Variants in TCF25 observed in about 807,000 individuals in gnomAD.
TCF25 encodes the protein TCF25 ribosome quality control complex subunit, also known as ribosome quality control complex subunit TCF25.
In TCF25, 41 loss-of-function variants were observed where a neutral mutation model predicts 83.1. The ratio of observed to expected loss-of-function variants is 0.49; its 90% CI spans 0.38 to 0.64. The LOEUF (loss-of-function observed/expected upper bound fraction) is 0.64, where lower values mean the gene tolerates loss of function less well. Among genes scored for constraint, TCF25 ranks in the 30% least tolerant of loss-of-function variants. TCF25 has a pLI of 0.00. For synonymous variants in TCF25, 458 were observed against 365.0 expected (o/e 1.25, Z -2.90); for missense variants, 979 against 914.5 (o/e 1.07, Z -0.91).
intron 4 of TCF25, among the ~76,000 whole-genome samples, chr16:89,886,438 T>A (rs368565398): frequency 0.074 from 9,888 of 134,050 alleles, 509 homozygotes; most frequent in East Asian, 0.29. Context: ...AAAAAAATAA[T>A]AATAATAATA....
Position 89,883,518 on chromosome 16 carries a change from G to A in TCF25, c.354+6G>A, listed in dbSNP as rs147467526. 7 of 1,592,990 alleles carry A rather than the reference G, an allele frequency of 4.4e-6. No homozygotes were observed. The Admixed American group carries it at 1.3e-4, about 29-fold the overall frequency. ...AGACAGTGCCCTCAGAGCAGGTGGGGGGCTGAGTGGTGAGGAGGTGGCATC... is the reference window on the plus strand; with the variant it reads ...AGACAGTGCCCTCAGAGCAGGTGGGAGGCTGAGTGGTGAGGAGGTGGCATC... On this transcript the variant is annotated splice_donor_region_variant and intron_variant, in intron 2 of 17. Transcript: ENST00000263346.
At chr16:89,874,017 G>T (rs1207815305) in intron 1 of TCF25, among the ~76,000 whole-genome samples, 158 bp downstream of exon 1, 1 of 151,924 alleles carries the variant, frequency 6.6e-6, no homozygotes. Context: ...CGTGCGTCGG[G>T]GCCAGGGCGA....
chr16:89,883,419 C>T lies in TCF25; in HGVS notation c.261C>T (p.Asp87=), dbSNP rs375315232. ...AGAGGTCTGGCTGTGCGCTCACAGA[C>T]GCTGTGGCACCAGGGAACAAAGGAA... ...NGERSGCALT[D]AVAPGNKGRG... The change falls in exon 2 of 18, where the codon GAC becomes GAT. Residue 87 remains aspartate (D), a synonymous_variant. Coordinates refer to ENST00000263346, the MANE Select transcript of TCF25 (RefSeq NM_014972.3). 30 of 1,613,880 alleles carry T rather than the reference C, an allele frequency of 1.9e-5. 1 individual carries two copies. The highest frequency in any genetic ancestry group is 1.3e-4 in the African/African-American group (10 of 74,854).
chr16:89,911,370 A>C lies in TCF25; in HGVS notation c.*132A>C, dbSNP rs1261020505. 1 of 1,237,006 alleles carries C rather than the reference A, an allele frequency of 8.1e-7. No individual in the cohort carries two copies. Among genetic ancestry groups the C allele is most frequent in the East Asian group, 2.5e-5 (1 of 40,088 alleles). The allele number at this position is 1,237,006 out of a possible 1,614,324, so 76.6% of individuals were successfully genotyped here. A position where few individuals can be genotyped will look rare whatever the true frequency, so the allele number is the denominator to read the frequency against. On this transcript the variant is annotated 3_prime_UTR_variant, in exon 18 of 18. Transcript: ENST00000263346. ...GGTCCACTGTTTCTCCTATAAATGT[A>C]AATGGGTCACGCTCTGCCGTCCGCA...
rs199721061 is a variant in TCF25, at chr16:89,907,254, G to A, written c.1731G>A (p.Thr577=). The A allele has an allele frequency of 3.7e-5, 59 of 1,612,372 alleles. No individual in the cohort carries two copies. Among genetic ancestry groups the A allele is most frequent in the Middle Eastern group, 1.7e-4 (1 of 6,054 alleles). Residue 577 remains threonine, a synonymous_variant, in exon 16 of 18, where the codon ACG becomes ACA. Transcript: ENST00000263346. ...GTCCCTTTCTGAAGGACGTGACCACGCAGTCTGTGATGGGGTTTGATCCTC... is the reference window on the plus strand; with the variant it reads ...GTCCCTTTCTGAAGGACGTGACCACACAGTCTGTGATGGGGTTTGATCCTC... ...AVAALPPDVT[T]QSVMGFDPLP...
chr16:89,885,597 G>A (rs1013040668), intron 3 of TCF25, among the ~76,000 whole-genome samples: 1 of 152,226 alleles, frequency 6.6e-6, no homozygotes, highest in Non-Finnish European at 1.5e-5. Flanking sequence ...GAGCACACCA[G>A]TGTGATGTGG....
At chr16:89,906,417 C>A in intron 15 of TCF25, 133 bp downstream of exon 15, 1 of 824,280 alleles carries the variant, frequency 1.2e-6, no homozygotes, top group Non-Finnish European at 2.0e-6. Context: ...ACGGCAGGGG[C>A]AGGGTCTAGT....
chr16:89,899,183 A>G (rs2044124039), intron 11 of TCF25, among the ~76,000 whole-genome samples: 3 of 151,992 alleles, frequency 2.0e-5, no homozygotes, highest in East Asian at 3.9e-4. Flanking sequence ...AAAACCGACA[A>G]CTCCCGAGCT....
Position 89,895,148 on chromosome 16 carries a change from G to A in TCF25, c.928+11G>A. 3.7e-6 allele frequency: 6 copies of A among 1,610,462 alleles called. No homozygotes were observed. The highest frequency in any genetic ancestry group is 5.1e-6 in the Non-Finnish European group (6 of 1,178,228). ...CTCGAGACCTCGTAGGTAAGGCAGA[G>A]CCCCCACCCCATTCCCCTCAGCTGT... is the stretch of plus-strand genomic sequence containing the variant. On this transcript the variant is annotated intron_variant, in intron 8 of 17. Coordinates refer to ENST00000263346, the MANE Select transcript of TCF25 (RefSeq NM_014972.3).
chr16:89,878,912 A>G (rs1377967558), intron 1 of TCF25, among the ~76,000 whole-genome samples: 1 of 152,214 alleles, frequency 6.6e-6, no homozygotes, highest in South Asian at 2.1e-4. Context: ...AAGTGCTGGG[A>G]TTACAGGCGT....
At chr16:89,903,476 G>A (rs548376657) in intron 12 of TCF25, among the ~76,000 whole-genome samples, 2 of 152,126 alleles carry the variant, frequency 1.3e-5, no homozygotes, top group Non-Finnish European at 2.9e-5. Context: ...TTCGAGACCA[G>A]CCTGGTCAAC....
intron 6 of TCF25, among the ~76,000 whole-genome samples, chr16:89,893,284 G>A (rs1269974220): frequency 6.6e-6 from 1 of 152,222 alleles, no homozygotes; most frequent in African/African-American, 2.4e-5. Flanking sequence ...AAGCTCTGTG[G>A]CTTCAGAGGC....
chr16:89,898,451 G>C, intron 9 of TCF25, 106 bp from the exon 10 acceptor site: 1 of 1,120,220 alleles, frequency 8.9e-7, no homozygotes, highest in South Asian at 1.3e-5. Context: ...GTACTGGCCA[G>C]GACGCTGAGC....
At position 89,910,980 on chromosome 16, in the gene TCF25, G is replaced by A. The variant is rs2144362394; in HGVS notation, c.1873-100G>A. 2.0e-6 allele frequency: 3 copies of A among 1,513,050 alleles called. No homozygotes were observed. In the Admixed American group the frequency reaches 5.7e-5, roughly 29 times the overall value. The allele number at this position is 1,513,050 out of a possible 1,614,324, so 93.7% of individuals were successfully genotyped here. ...GGAGGGTTCAGGGTCCGGTGCTGGG[G>A]CAAGGGCCACCTCGGGCTCCACAGT... On this transcript the variant is annotated intron_variant, in intron 17 of 17. Coordinates refer to ENST00000263346, the MANE Select transcript of TCF25 (RefSeq NM_014972.3).
chr16:89,887,026 G>C (rs933504351), intron 4 of TCF25, among the ~76,000 whole-genome samples: 2 of 152,112 alleles, frequency 1.3e-5, no homozygotes, highest in Non-Finnish European at 2.9e-5. Flanking sequence ...ATGTATATTA[G>C]AGAGTTCCTT....
At chr16:89,879,326 C>T (rs906917382) in intron 1 of TCF25, among the ~76,000 whole-genome samples, 6 of 146,528 alleles carry the variant, frequency 4.1e-5, no homozygotes, top group Non-Finnish European at 6.0e-5. Context: ...ACGTGCTGTT[C>T]GTGTACACAG....
At chr16:89,899,670 G>A (rs1597354821) in intron 11 of TCF25, among the ~76,000 whole-genome samples, 1 of 152,040 alleles carries the variant, frequency 6.6e-6, no homozygotes, top group Admixed American at 6.6e-5. Flanking sequence ...GGAGGTTGCG[G>A]TGAGCCGAGA....
intron 1 of TCF25, among the ~76,000 whole-genome samples, chr16:89,874,289 G>C (rs966208859): frequency 6.6e-6 from 1 of 151,644 alleles, no homozygotes; most frequent in East Asian, 1.9e-4. Flanking sequence ...TCGTGGGGCC[G>C]TGACGCTAAA....
chr16:89,890,316 C>A (rs939804735), intron 5 of TCF25: 3 of 152,306 alleles, frequency 2.0e-5, no homozygotes, highest in Admixed American at 6.5e-5. Context: ...GCAGGCATTT[C>A]TGTGAAACTG....
Sources: gnomAD v4.1 joint callset for allele counts (sites outside exome capture counted in the v4.1 genomes callset) on GRCh38, gnomAD v4.1.1 for gene constraint, MANE v1.5 for transcripts, NCBI Gene and HGNC (gene_info 2026-07-23, HGNC 2026-07-21) for gene names.